MYRIP: variants seen among roughly 807,000 people sequenced by gnomAD.
The protein encoded by MYRIP is myosin VIIA and Rab interacting protein.
MYRIP carries 49 observed loss-of-function variants against 98.0 expected under a neutral mutation model. The observed-to-expected ratio is 0.50, with a 90% CI of 0.40 to 0.63. The LOEUF (loss-of-function observed/expected upper bound fraction) is 0.63, where lower values mean the gene tolerates loss of function less well. Ranked by LOEUF, MYRIP falls within the 30% of genes least tolerant of loss-of-function variation. The pLI is 0.00. For missense variants in MYRIP, 1,004 were observed against 1,058.2 expected (o/e 0.95, Z 0.71); for synonymous variants, 404 against 409.5 (o/e 0.99, Z 0.16).
chr3:39,953,740 A>C (rs1302554201), intron 2 of MYRIP, among the ~76,000 whole-genome samples: 1 of 152,166 alleles, frequency 6.6e-6, no homozygotes, highest in Non-Finnish European at 1.5e-5. Flanking sequence ...TTACCCAGGA[A>C]GTGCAAGGGG....
At chr3:40,133,629 C>A (rs1265787096) in intron 3 of MYRIP, among the ~76,000 whole-genome samples, 5 of 152,118 alleles carry the variant, frequency 3.3e-5, no homozygotes, top group South Asian at 2.1e-4. Flanking sequence ...CCCTAGTACT[C>A]AGGAGGCTGA....
At chr3:40,160,345 G>T (rs1198492402) in intron 4 of MYRIP, among the ~76,000 whole-genome samples, 1 of 152,210 alleles carries the variant, frequency 6.6e-6, no homozygotes, top group Non-Finnish European at 1.5e-5. Context: ...GAGGCAGTCT[G>T]CCTGTTCTCA....
chr3:39,830,855 T>A (rs1941423158), intron 1 of MYRIP, among the ~76,000 whole-genome samples: 1 of 151,970 alleles, frequency 6.6e-6, no homozygotes, highest in Admixed American at 6.6e-5. Flanking sequence ...TAAAAAAGAG[T>A]TGTCTAGACT....
intron 3 of MYRIP, among the ~76,000 whole-genome samples, chr3:40,133,724 C>A (rs1422769728): frequency 2.0e-5 from 3 of 152,152 alleles, no homozygotes; most frequent in Non-Finnish European, 2.9e-5. Flanking sequence ...GCAACAGACT[C>A]TGTCTCCAAA....
intron 2 of MYRIP, among the ~76,000 whole-genome samples, chr3:39,976,314 T>A: frequency 6.6e-6 from 1 of 152,166 alleles, no homozygotes; most frequent in South Asian, 2.1e-4. Context: ...TCACTGGCCA[T>A]CAGAGAAATG....
intron 2 of MYRIP, among the ~76,000 whole-genome samples, chr3:39,950,222 C>G (rs1323722295): frequency 6.6e-6 from 1 of 152,108 alleles, no homozygotes; most frequent in Non-Finnish European, 1.5e-5. Flanking sequence ...ACATGATAGG[C>G]ATTCCATGTT....
intron 2 of MYRIP, among the ~76,000 whole-genome samples, chr3:39,979,659 A>AC (rs981605344): frequency 4.0e-5 from 6 of 151,794 alleles, no homozygotes; most frequent in Admixed American, 3.3e-4. Flanking sequence ...ACAAAACAAA[A>AC]AAAAAAAAAC....
intron 3 of MYRIP, among the ~76,000 whole-genome samples, chr3:40,115,389 G>A (rs1263475676): frequency 1.3e-5 from 2 of 152,166 alleles, no homozygotes; most frequent in Admixed American, 1.3e-4. Flanking sequence ...TAAAATCATG[G>A]TGGAAGGCAC....
intron 3 of MYRIP, among the ~76,000 whole-genome samples, chr3:40,064,067 C>A (rs1408622521): frequency 6.6e-6 from 1 of 152,022 alleles, no homozygotes; most frequent in Non-Finnish European, 1.5e-5. Context: ...CAAGTTTAGG[C>A]AAGACTAACT....
At chr3:40,244,662 C>T (rs1953131200) in intron 13 of MYRIP, 55 bp downstream of exon 13, 1 of 1,518,710 alleles carries the variant, frequency 6.6e-7, no homozygotes, top group Admixed American at 2.1e-5. Context: ...CAGGGAGCCC[C>T]ATGTTCTACA....
chr3:40,187,585 G>C (rs1484410736), intron 9 of MYRIP, among the ~76,000 whole-genome samples: 1 of 152,198 alleles, frequency 6.6e-6, no homozygotes. Context: ...ATAGCTGCCA[G>C]GTGGCTGAGT....
chr3:40,166,967 T>C (rs1182347585), intron 6 of MYRIP, 24 bp downstream of exon 6: 2 of 1,568,192 alleles, frequency 1.3e-6, no homozygotes, highest in Non-Finnish European at 1.8e-6. Context: ...TGCTCCTCTC[T>C]GTGGGGGGAG....
At chr3:39,887,414 A>C (rs569175255) in intron 1 of MYRIP, among the ~76,000 whole-genome samples, 25 of 152,320 alleles carry the variant, frequency 1.6e-4, no homozygotes, top group African/African-American at 5.8e-4. Flanking sequence ...GGTTTTTTGA[A>C]AGGATCAACA....
At chr3:40,204,447 G>T (rs1951741736) in intron 10 of MYRIP, among the ~76,000 whole-genome samples, 1 of 150,598 alleles carries the variant, frequency 6.6e-6, no homozygotes, top group African/African-American at 2.4e-5. Context: ...CTCCCAAAGT[G>T]CTGGGATTAC....
chr3:40,053,662 G>A (rs1010437599), intron 3 of MYRIP, among the ~76,000 whole-genome samples: 1 of 152,126 alleles, frequency 6.6e-6, no homozygotes, highest in Non-Finnish European at 1.5e-5. Flanking sequence ...CACCTTGTTA[G>A]TCCCAAGTTC....
chr3:40,058,722 A>G (rs1297659791), intron 3 of MYRIP, among the ~76,000 whole-genome samples: 1 of 152,100 alleles, frequency 6.6e-6, no homozygotes, highest in Non-Finnish European at 1.5e-5. Flanking sequence ...TGAACATGGT[A>G]CTTGGGTTGT....
At chr3:39,954,024 G>C (rs1945093315) in intron 2 of MYRIP, among the ~76,000 whole-genome samples, 1 of 152,136 alleles carries the variant, frequency 6.6e-6, no homozygotes, top group Non-Finnish European at 1.5e-5. Flanking sequence ...GACTGAACTG[G>C]GTGGAGCCCA....
chr3:40,023,277 G>A (rs11706773), intron 2 of MYRIP, among the ~76,000 whole-genome samples: 75,898 of 152,068 alleles, frequency 0.5, 20,532 homozygotes, highest in East Asian at 0.67. Context: ...GCTCTCTGAT[G>A]TGTCAGTCAG....
intron 2 of MYRIP, among the ~76,000 whole-genome samples, chr3:39,936,815 T>G (rs1944665558): frequency 6.6e-6 from 1 of 152,134 alleles, no homozygotes; most frequent in African/African-American, 2.4e-5. Context: ...AATGTATACG[T>G]GTGTATCTCT....
Sources: allele counts gnomAD v4.1 joint callset (sites outside exome capture counted in the v4.1 genomes callset), GRCh38; gene constraint gnomAD v4.1.1; transcripts MANE v1.5; gene names NCBI Gene and HGNC (gene_info 2026-07-23, HGNC 2026-07-21).